KLHL1: variants seen among roughly 807,000 people sequenced by gnomAD.
The protein encoded by KLHL1 is kelch-like protein 1.
Under a neutral mutation model 77.7 loss-of-function variants are expected in KLHL1, and 47 were observed. The ratio of observed to expected loss-of-function variants is 0.60; its 90% confidence interval spans 0.48 to 0.77. The LOEUF is 0.77. Among genes scored for constraint, KLHL1 ranks in the 30% least tolerant of loss-of-function variants. The pLI is 0.00. For missense variants in KLHL1, 925 were observed against 910.8 expected (o/e 1.02, Z -0.20); for synonymous variants, 360 against 325.2 (o/e 1.11, Z -1.15).
In KLHL1 at chr13:69,906,144, A is replaced by C. The variant is rs559279808; in HGVS notation, c.1015-23649T>G. On this transcript the variant is annotated intron_variant, in intron 4 of 10. Coordinates refer to ENST00000377844, the MANE Select transcript of KLHL1 (RefSeq NM_020866.3). ...TCTCAATACCGCATGAGAACTATTC[A>C]CTTATTAAGTAATTACTGGGGTTCC... Among the ~76,000 whole-genome samples the C allele has an allele frequency of 2.6e-5, 4 of 152,204 alleles. No individual in the cohort carries two copies. In the South Asian group the frequency reaches 8.3e-4, roughly 32 times the overall value.
At chr13:69,901,703 T>A (rs1329532804) in intron 4 of KLHL1, among the ~76,000 whole-genome samples, 4 of 152,154 alleles carry the variant, frequency 2.6e-5, no homozygotes, top group Admixed American at 2.6e-4. Context: ...AATAAATTGA[T>A]GATATCTGTT....
chr13:69,734,867 A>G (rs187831538), intron 8 of KLHL1, among the ~76,000 whole-genome samples: 2 of 152,264 alleles, frequency 1.3e-5, no homozygotes, highest in African/African-American at 4.8e-5. Flanking sequence ...TCAAGAAAAT[A>G]CACTTCTCAT....
intron 1 of KLHL1, among the ~76,000 whole-genome samples, chr13:70,006,763 GATT>G (rs1885417566): frequency 6.6e-6 from 1 of 151,830 alleles, no homozygotes; most frequent in South Asian, 2.1e-4. Context: ...GACAGCACTA[GATT>G]ACTATTGACA....
chr13:69,870,435 A>C (rs916753252), intron 5 of KLHL1, among the ~76,000 whole-genome samples: 1 of 151,814 alleles, frequency 6.6e-6, no homozygotes, highest in African/African-American at 2.4e-5. Context: ...GCAAATTTCA[A>C]CATGAGTTTT....
At chr13:69,885,042 G>A (rs971929656) in intron 4 of KLHL1, among the ~76,000 whole-genome samples, 7 of 133,728 alleles carry the variant, frequency 5.2e-5, no homozygotes, top group East Asian at 2.0e-4. Flanking sequence ...CCGGGTTCAC[G>A]CCATTCGCCT....
intron 7 of KLHL1, among the ~76,000 whole-genome samples, chr13:69,786,868 C>A (rs1025313494): frequency 9.2e-5 from 14 of 152,144 alleles, no homozygotes; most frequent in Admixed American, 1.3e-4. Flanking sequence ...CAATAACAGA[C>A]AAACAGAGCC....
chr13:69,924,203 A>C (rs1882737975), intron 4 of KLHL1, among the ~76,000 whole-genome samples: 3 of 152,188 alleles, frequency 2.0e-5, no homozygotes, highest in African/African-American at 7.2e-5. Flanking sequence ...ATGACAGCAG[A>C]AAGCAGACAG....
intron 7 of KLHL1, among the ~76,000 whole-genome samples, chr13:69,785,905 A>G (rs940755660): frequency 1.3e-5 from 2 of 152,234 alleles, no homozygotes; most frequent in African/African-American, 4.8e-5. Flanking sequence ...TAGAAAATCT[A>G]GAAGAAATGG....
intron 10 of KLHL1, among the ~76,000 whole-genome samples, chr13:69,706,734 A>G (rs1159020945): frequency 2.0e-5 from 3 of 151,950 alleles, no homozygotes; most frequent in East Asian, 3.9e-4. Context: ...AGATTTGGAG[A>G]AGAATGAAAG....
chr13:69,776,904 T>G (rs928688359), intron 7 of KLHL1, among the ~76,000 whole-genome samples: 5 of 152,162 alleles, frequency 3.3e-5, no homozygotes, highest in African/African-American at 1.2e-4. Flanking sequence ...ATCTCAAAGC[T>G]TTTTAATTCA....
intron 1 of KLHL1, among the ~76,000 whole-genome samples, chr13:70,039,476 A>G (rs1886320293): frequency 6.6e-6 from 1 of 152,218 alleles, no homozygotes; most frequent in Middle Eastern, 3.4e-3. Flanking sequence ...TGGCCAATAT[A>G]TGATTGGCAA....
At position 69,821,116 on chromosome 13, in the gene KLHL1, A is replaced by AT. The variant is rs1009042720; in HGVS notation, c.1414+17859dup. Among the ~76,000 whole-genome samples the AT allele has an allele frequency of 4.6e-5, 7 of 152,002 alleles. No homozygotes were observed. The East Asian group carries it at 1.2e-3, about 25-fold the overall frequency. ...TAAAAAAATAAAAATTTCATTATGA[A>AT]TTTTTTTTCCAATCATTATAATGTA... On this transcript the variant is annotated intron_variant, in intron 6 of 10. Transcript: ENST00000377844.
intron 5 of KLHL1, among the ~76,000 whole-genome samples, chr13:69,877,164 G>GTAGAATTA (rs1377822286): frequency 6.6e-6 from 1 of 152,108 alleles, no homozygotes; most frequent in Non-Finnish European, 1.5e-5. Flanking sequence ...TTGATAATAT[G>GTAGAATTA]TAGAATTATA....
intron 1 of KLHL1, among the ~76,000 whole-genome samples, chr13:70,032,121 T>C (rs1002675447): frequency 2.0e-5 from 3 of 152,192 alleles, no homozygotes; most frequent in African/African-American, 4.8e-5. Context: ...AGGTTTATTG[T>C]AAACATTTAA....
At chr13:69,779,272 C>T (rs970675079) in intron 7 of KLHL1, among the ~76,000 whole-genome samples, 1 of 151,966 alleles carries the variant, frequency 6.6e-6, no homozygotes, top group African/African-American at 2.4e-5. Context: ...GAGGGTTTTC[C>T]TAAGTTTTAC....
intron 4 of KLHL1, among the ~76,000 whole-genome samples, chr13:69,910,057 G>A (rs1882185242): frequency 6.6e-6 from 1 of 151,994 alleles, no homozygotes; most frequent in African/African-American, 2.4e-5. Flanking sequence ...ATAAAATGAA[G>A]CATGTGTGGC....
chr13:69,844,954 G>A (rs78241465), intron 5 of KLHL1, among the ~76,000 whole-genome samples: 1,858 of 151,504 alleles, frequency 0.012, 42 homozygotes, highest in African/African-American at 0.042. Flanking sequence ...ATAAGTATTC[G>A]ATCCAGGAAA....
chr13:69,831,193 C>T (rs556014115), intron 6 of KLHL1, among the ~76,000 whole-genome samples: 1 of 149,608 alleles, frequency 6.7e-6, no homozygotes, highest in South Asian at 2.1e-4. Context: ...AACTCATAGA[C>T]CATTAGTGAG....
chr13:70,032,620 T>C (rs1886132068), intron 1 of KLHL1, among the ~76,000 whole-genome samples: 1 of 152,216 alleles, frequency 6.6e-6, no homozygotes. Flanking sequence ...AACCATTAAA[T>C]GATTAAATGC....
Sources: allele counts gnomAD v4.1 joint callset (sites outside exome capture counted in the v4.1 genomes callset), GRCh38; gene constraint gnomAD v4.1.1; transcripts MANE v1.5; gene names NCBI Gene and HGNC (gene_info 2026-07-23, HGNC 2026-07-21).